The following SLC30A10 variants were observed in gnomAD, a reference collection of about 807,000 sequenced individuals.
The protein encoded by SLC30A10 is solute carrier family 30 member 10.
A neutral mutation model predicts 21.7 loss-of-function variants in SLC30A10; 8 were observed. That is an observed-to-expected ratio of 0.37 (90% CI 0.22 to 0.67). SLC30A10 has a LOEUF of 0.67. SLC30A10 is among the 30% of genes least tolerant of loss of function. The pLI, the probability that SLC30A10 is intolerant of heterozygous loss-of-function variation, is 0.58. For synonymous variants in SLC30A10, 272 were observed against 279.4 expected (o/e 0.97, Z 0.26); for missense variants, 521 against 642.5 (o/e 0.81, Z 2.04).
At chr1:219,946,011 CTTGCCT>C (rs756571229) in intron 1 of SLC30A10, among the ~76,000 whole-genome samples, 2 of 152,172 alleles carry the variant, frequency 1.3e-5, no homozygotes, top group Non-Finnish European at 2.9e-5. Context: ...TGTGGTTTTA[CTTGCCT>C]TTGGTCTTGC....
At chr1:219,943,384 CT>C (rs948603153) in intron 1 of SLC30A10, among the ~76,000 whole-genome samples, 8 of 152,174 alleles carry the variant, frequency 5.3e-5, no homozygotes, top group Non-Finnish European at 1.2e-4. Flanking sequence ...GAAGCACCCC[CT>C]ATCTCAGGGT....
Position 219,911,699 on chromosome 1 carries a change from T to C in SLC30A10, c.*3750A>G, listed in dbSNP as rs1659419463. 6.6e-6 allele frequency among the ~76,000 whole-genome samples: 1 copy of C among 152,158 alleles called. No individual in the cohort carries two copies. The highest frequency in any genetic ancestry group is 1.5e-5 in the Non-Finnish European group (1 of 68,024). On this transcript the variant is annotated 3_prime_UTR_variant, in exon 4 of 4. Coordinates refer to ENST00000366926, the MANE Select transcript of SLC30A10 (RefSeq NM_018713.3). Reference sequence around the variant, plus strand: ...AATAGGCTGGTCTTGCCTTTAAAAATATGTTTTTAAAGAGCAAATTCTGCA... The same window carrying C: ...AATAGGCTGGTCTTGCCTTTAAAAACATGTTTTTAAAGAGCAAATTCTGCA...
chr1:219,927,155 C>CAA, intron 1 of SLC30A10, 50 bp from the exon 2 acceptor site: 2 of 1,559,150 alleles, frequency 1.3e-6, no homozygotes, highest in Non-Finnish European at 1.8e-6. Flanking sequence ...TACAAACAAA[C>CAA]AAAAAAAAAC....
Position 219,935,200 on chromosome 1 carries a change from TA to T in SLC30A10, n.81-8096del, listed in dbSNP as rs1289502763. 3.3e-5 allele frequency among the ~76,000 whole-genome samples: 5 copies of T among 152,222 alleles called. No homozygotes were observed. In the South Asian group the frequency reaches 1.0e-3, roughly 32 times the overall value. On this transcript the variant is annotated intron_variant and non_coding_transcript_variant, in intron 1 of 8. Transcript: ENST00000484239. ...AACCCCTTGATGTTGATTCTAGACCTAATTGTTTTAACTGTAAGTTAAATTG... is the reference window on the plus strand; with the variant it reads ...AACCCCTTGATGTTGATTCTAGACCTATTGTTTTAACTGTAAGTTAAATTG...
intron 3 of SLC30A10, among the ~76,000 whole-genome samples, chr1:219,916,182 A>G (rs1387504004): frequency 6.6e-6 from 1 of 152,190 alleles, no homozygotes; most frequent in Non-Finnish European, 1.5e-5. Flanking sequence ...CAACGACAAG[A>G]AAAAAGTCCC....
rs34097842 is a variant in SLC30A10 at position 219,918,306 on chromosome 1, C to A, written c.907G>T (p.Ala303Ser). Residue 303 changes from alanine (A) to serine (S), a missense_variant, in exon 3 of 4, where the codon GCT becomes TCT. Ala to Ser is a moderately conservative substitution (Grantham distance 99, BLOSUM62 1). Coordinates refer to ENST00000366926, the MANE Select transcript of SLC30A10 (RefSeq NM_018713.3). This position sits in a 1 kb window ranked among gnomAD's most constrained non-coding sequence, Gnocchi z 4.4. The part of the protein sequence containing the change: ...SSAFPLIKET[A>S]AILLQMVPKG... Reference sequence around the variant, plus strand: ...GGGACCATCTGTAGCAGAATGGCAGCGGTCTCCTTGATAAGCGGGAAGGCA... The same window carrying A: ...GGGACCATCTGTAGCAGAATGGCAGAGGTCTCCTTGATAAGCGGGAAGGCA... The A allele has an allele frequency of 6.2e-7, 1 of 1,613,974 alleles. No homozygotes were observed. Among genetic ancestry groups the A allele is most frequent in the Non-Finnish European group, 8.5e-7 (1 of 1,180,024 alleles).
intron 1 of SLC30A10, among the ~76,000 whole-genome samples, chr1:219,937,748 G>T (rs186726439): frequency 2.6e-5 from 4 of 152,198 alleles, no homozygotes; most frequent in Admixed American, 6.5e-5. Context: ...GGAGGCGGAG[G>T]TTGCAGCGAA....
intron 3 of SLC30A10, among the ~76,000 whole-genome samples, chr1:219,916,225 T>C (rs1210764264): frequency 6.6e-6 from 1 of 152,182 alleles, no homozygotes; most frequent in African/African-American, 2.4e-5. Flanking sequence ...GAATGGACAC[T>C]TGAATGAACT....
intron 2 of SLC30A10, among the ~76,000 whole-genome samples, chr1:219,925,651 ATTTTTTTTTT>A (rs1210071228): frequency 2.1e-5 from 1 of 48,278 alleles, no homozygotes; most frequent in Admixed American, 3.9e-4. Context: ...ATATATATAT[ATTTTTTTTTT>A]TTTTTTTTTT....
intron 3 of SLC30A10, 86 bp from the exon 4 acceptor site, chr1:219,916,034 A>T: frequency 1.3e-6 from 2 of 1,505,238 alleles, no homozygotes; most frequent in Non-Finnish European, 1.8e-6. Context: ...TCCGTTAAGC[A>T]TTCTCACCAA....
intron 1 of SLC30A10, among the ~76,000 whole-genome samples, chr1:219,935,887 G>A (rs781265233): frequency 7.2e-5 from 11 of 152,012 alleles, no homozygotes; most frequent in Non-Finnish European, 1.2e-4. Flanking sequence ...AATATTATAT[G>A]AATATAAAAC....
At chr1:219,920,092 T>G (rs79326974) in intron 2 of SLC30A10, among the ~76,000 whole-genome samples, 4,208 of 152,142 alleles carry the variant, frequency 0.028, 139 homozygotes, top group African/African-American at 0.074. Context: ...CCTCAAATTT[T>G]CCCCAAAAAA....
At chr1:219,920,910 G>A (rs560344249) in intron 2 of SLC30A10, among the ~76,000 whole-genome samples, 122 of 152,278 alleles carry the variant, frequency 8.0e-4, no homozygotes, top group African/African-American at 2.7e-3. Flanking sequence ...CCCCAGGGAA[G>A]ACCCCCTTCT....
chr1:219,927,630 G>A (rs1422103588), intron 1 of SLC30A10, among the ~76,000 whole-genome samples, 171 bp downstream of exon 1: 1 of 110,998 alleles, frequency 9.0e-6, no homozygotes, highest in Non-Finnish European at 1.7e-5. Context: ...TAAAGGGAAT[G>A]GATTTATTAA....
At chr1:219,931,022 A>G (rs1659962708), upstream of SLC30A10, among the ~76,000 whole-genome samples, 1 of 152,256 alleles carries the variant, frequency 6.6e-6, no homozygotes, top group Non-Finnish European at 1.5e-5. Flanking sequence ...TTTCTGGCTT[A>G]GACTGTCTTC....
rs1358896715 is a variant in SLC30A10 at position 219,915,699 on chromosome 1, G to A, written c.1208C>T (p.Pro403Leu). The A allele has an allele frequency of 1.2e-6, 2 of 1,614,220 alleles. No individual in the cohort carries two copies. The highest frequency in any genetic ancestry group is 1.7e-5 in the Admixed American group (1 of 60,032). Residue 403 changes from proline (P) to leucine (L), a missense_variant, in exon 4 of 4, where the codon CCC (proline) becomes CTC (leucine). Transcript: ENST00000366926. ...QKDLLLLCNS[P>L]CISKGCAKQL... Reference sequence around the variant, plus strand: ...CTTAGCACAGCCCTTGGAGATGCAGGGTGAGTTGCAGAGCAACAGTAAGTC... The same window carrying A: ...CTTAGCACAGCCCTTGGAGATGCAGAGTGAGTTGCAGAGCAACAGTAAGTC...
rs539587006 is a variant in SLC30A10, at chr1:219,912,867, T to G, written c.*2582A>C. Reference sequence around the variant, plus strand: ...AAACAAACAAACCAAAAAAAAATTATGTCAGTTCTTTAAAAAAAGGCGGGG... The same window carrying G: ...AAACAAACAAACCAAAAAAAAATTAGGTCAGTTCTTTAAAAAAAGGCGGGG... On this transcript the variant is annotated 3_prime_UTR_variant, in exon 4 of 4. Coordinates refer to ENST00000366926, the MANE Select transcript of SLC30A10 (RefSeq NM_018713.3). 1.3e-5 allele frequency among the ~76,000 whole-genome samples: 2 copies of G among 151,370 alleles called. No individual in the cohort carries two copies. The highest frequency in any genetic ancestry group is 2.9e-5 in the Non-Finnish European group (2 of 67,826).
intron 2 of SLC30A10, among the ~76,000 whole-genome samples, chr1:219,919,776 CAAA>C (rs34386881): frequency 7.0e-5 from 8 of 114,524 alleles, no homozygotes; most frequent in Non-Finnish European, 9.2e-5. Flanking sequence ...AACTCTGTCT[CAAA>C]AAAAAAAAAA....
At chr1:219,922,167 T>G (rs1659701397) in intron 2 of SLC30A10, among the ~76,000 whole-genome samples, 2 of 45,974 alleles carry the variant, frequency 4.4e-5, no homozygotes, top group South Asian at 8.1e-4. Context: ...TTTGTGTGTG[T>G]GTGTGTGTGT....
Sources: gnomAD v4.1 joint callset for allele counts (sites outside exome capture counted in the v4.1 genomes callset) on GRCh38, gnomAD v4.1.1 for gene constraint, Gnocchi (gnomAD v3.1) non-coding constraint, MANE v1.5 for transcripts, NCBI Gene and HGNC (gene_info 2026-07-23, HGNC 2026-07-21) for gene names.